Variants in SUB1 observed in about 807,000 individuals in gnomAD.
SUB1 encodes the protein SUB1 regulator of transcription, also known as activated RNA polymerase II transcriptional coactivator p15.
Under a neutral mutation model 16.9 loss-of-function variants are expected in SUB1, and 1 was observed. The ratio of observed to expected loss-of-function variants is 0.06; its 90% CI spans 0.02 to 0.28. The LOEUF (loss-of-function observed/expected upper bound fraction) is 0.28. SUB1 is among the 10% of genes least tolerant of loss of function. SUB1 has a pLI of 1.00. For missense variants in SUB1, 84 were observed against 145.2 expected (o/e 0.58, Z 2.16); for synonymous variants, 51 against 46.9 (o/e 1.09, Z -0.36).
chr5:32,587,510 A>G lies in SUB1; in HGVS notation c.-1-1002A>G, dbSNP rs980573255. On this transcript the variant is annotated intron_variant, in intron 1 of 4. Transcript: ENST00000265073. ...GCGGGAAGGTTTTGCACCTCCCATAAATAGGTTTTGCACCTCCCATAAATA... is the reference window on the plus strand; with the variant it reads ...GCGGGAAGGTTTTGCACCTCCCATAGATAGGTTTTGCACCTCCCATAAATA... Among the ~76,000 whole-genome samples the G allele has an allele frequency of 5.2e-4, 79 of 152,068 alleles. 1 individual carries two copies. Among genetic ancestry groups the G allele is most frequent in the Non-Finnish European group, 2.2e-4 (15 of 68,014 alleles).
intron 4 of SUB1, among the ~76,000 whole-genome samples, chr5:32,599,654 C>G (rs1408346296): frequency 6.6e-6 from 1 of 151,156 alleles, no homozygotes; most frequent in African/African-American, 2.4e-5. Flanking sequence ...TAGTTTTATT[C>G]TGCCTGCCTG....
At chr5:32,590,762 A>ATTTTTTTTTTTTTTTTTTTTTTTT (rs70961652) in intron 2 of SUB1, among the ~76,000 whole-genome samples, 1 of 33,978 alleles carries the variant, frequency 2.9e-5, no homozygotes, top group Admixed American at 5.3e-4. Context: ...CGCCTGGCTA[A>ATTTTTTTTTTTTTTTTTTTTTTTT]TTTTTTTTTT....
At chr5:32,595,146 T>A (rs1202204089) in intron 3 of SUB1, 1 of 152,082 alleles carries the variant, frequency 6.6e-6, no homozygotes, top group Non-Finnish European at 1.5e-5. Context: ...TTACTCTTTT[T>A]TTCCCCCCAA....
chr5:32,589,578 A>G (rs970551221), intron 2 of SUB1, among the ~76,000 whole-genome samples: 1 of 152,190 alleles, frequency 6.6e-6, no homozygotes, highest in Non-Finnish European at 1.5e-5. Flanking sequence ...TCTGCATTAG[A>G]TGACAGCTGC....
chr5:32,599,689 T>G (rs1355916452), intron 4 of SUB1, among the ~76,000 whole-genome samples: 1 of 152,256 alleles, frequency 6.6e-6, no homozygotes, highest in Non-Finnish European at 1.5e-5. Flanking sequence ...ACCACTTGTT[T>G]GCTTCATGCA....
rs1738822439 is a variant in SUB1 at position 32,591,437 on chromosome 5, GTATA to G, written c.73-122_73-119del. ...TTGTTGTTGAGTGAAACTTGCTTAT[GTATA>G]TATTTATGATATTTTGGATGTAGTC... On this transcript the variant is annotated intron_variant, in intron 2 of 4. Transcript: ENST00000265073. 18 of 1,285,034 alleles carry G rather than the reference GTATA, an allele frequency of 1.4e-5. No homozygotes were observed. The East Asian group carries it at 4.9e-4, about 35-fold the overall frequency. 79.6% of individuals were successfully genotyped at this position (1,285,034 alleles called of 1,614,324 possible).
chr5:32,588,599 A>G lies in SUB1; in HGVS notation c.72+15A>G, dbSNP rs376911892. On this transcript the variant is annotated intron_variant, in intron 2 of 4. Coordinates refer to ENST00000265073, the MANE Select transcript of SUB1 (RefSeq NM_006713.4). ...TTGACAAAAAGGTGACTACTGCTGC[A>G]CCAAGTCATTTTGGTGATACTCAAC... 1.9e-6 allele frequency: 3 copies of G among 1,610,540 alleles called. No homozygotes were observed. The highest frequency in any genetic ancestry group is 2.5e-6 in the Non-Finnish European group (3 of 1,177,932).
chr5:32,599,344 T>C (rs1739058758), intron 4 of SUB1, among the ~76,000 whole-genome samples: 1 of 152,240 alleles, frequency 6.6e-6, no homozygotes, highest in Non-Finnish European at 1.5e-5. Flanking sequence ...AAAAGGTTTA[T>C]GCAATTCTGA....
At chr5:32,591,155 A>G (rs192229366) in intron 2 of SUB1, 3 of 153,462 alleles carry the variant, frequency 2.0e-5, no homozygotes, top group African/African-American at 7.2e-5. Flanking sequence ...AGTTGGTTAT[A>G]TTCTTTTTAA....
At chr5:32,594,120 A>G (rs1045988112) in intron 3 of SUB1, among the ~76,000 whole-genome samples, 2 of 152,228 alleles carry the variant, frequency 1.3e-5, no homozygotes, top group African/African-American at 4.8e-5. Flanking sequence ...AGTTCTCTAA[A>G]TGTATTAAAG....
chr5:32,588,411 C>T (rs1253917366), intron 1 of SUB1, 101 bp from the exon 2 acceptor site: 21 of 1,018,042 alleles, frequency 2.1e-5, no homozygotes, highest in Admixed American at 1.5e-4. Context: ...TAGAATGAAC[C>T]GTGGAACTTG....
At position 32,603,715 on chromosome 5, in the gene SUB1, T is replaced by C. The variant is rs1457641625; in HGVS notation, c.*2631T>C. On this transcript the variant is annotated 3_prime_UTR_variant, in exon 5 of 5. Transcript: ENST00000265073. ...GGTGAAAAATGAAATAAGTATATTC[T>C]GACTTGGCTATTGAGGGGAAAATTC... The C allele has an allele frequency of 2.6e-5, 4 of 152,218 alleles. No homozygotes were observed. Among genetic ancestry groups the C allele is most frequent in the African/African-American group, 9.6e-5 (4 of 41,466 alleles). The allele number at this position is 152,218 out of a possible 1,614,324, so 9.4% of individuals were successfully genotyped here. A position where few individuals can be genotyped will look rare whatever the true frequency, so the allele number is the denominator to read the frequency against.
chr5:32,588,645 C>A, intron 2 of SUB1, 61 bp downstream of exon 2: 2 of 1,507,596 alleles, frequency 1.3e-6, no homozygotes, highest in Non-Finnish European at 9.1e-7. Context: ...ATATCCCATT[C>A]TGAAGGATAG....
intron 1 of SUB1, 91 bp from the exon 2 acceptor site, chr5:32,588,421 G>C: frequency 3.5e-6 from 4 of 1,151,726 alleles, no homozygotes; most frequent in Non-Finnish European, 4.9e-6. Flanking sequence ...CGTGGAACTT[G>C]TCCTTGATTT....
intron 1 of SUB1, 36 bp downstream of exon 1, chr5:32,585,661 G>A (rs1370006984): frequency 6.6e-6 from 1 of 152,318 alleles, no homozygotes. Flanking sequence ...TACTCCTCGG[G>A]GCCCCCACCC....
intron 2 of SUB1, among the ~76,000 whole-genome samples, chr5:32,590,727 C>G (rs1307799617): frequency 7.5e-6 from 1 of 133,676 alleles, no homozygotes; most frequent in Admixed American, 8.3e-5. Flanking sequence ...TTCCGAGTAG[C>G]TGGGATTACA....
At chr5:32,589,406 A>C (rs1479101436) in intron 2 of SUB1, among the ~76,000 whole-genome samples, 4 of 152,322 alleles carry the variant, frequency 2.6e-5, no homozygotes, top group Non-Finnish European at 5.9e-5. Context: ...TAATTTTGAC[A>C]GTTCTCTTAG....
intron 1 of SUB1, among the ~76,000 whole-genome samples, chr5:32,587,237 C>A (rs1738696617): frequency 6.6e-6 from 1 of 152,172 alleles, no homozygotes; most frequent in Non-Finnish European, 1.5e-5. Flanking sequence ...AGGACCTAAT[C>A]TCTTCTGAGA....
chr5:32,594,631 G>A (rs553170198), intron 3 of SUB1: 3 of 454,106 alleles, frequency 6.6e-6, no homozygotes, highest in African/African-American at 4.0e-5. Context: ...CGGTGTGTGA[G>A]TGAACATTGC....
Sources: gnomAD v4.1 joint callset for allele counts (sites outside exome capture counted in the v4.1 genomes callset) on GRCh38, gnomAD v4.1.1 for gene constraint, MANE v1.5 for transcripts, NCBI Gene and HGNC (gene_info 2026-07-23, HGNC 2026-07-21) for gene names.